The following SGCZ variants were observed in gnomAD, a reference collection of about 807,000 sequenced individuals.
SGCZ encodes the protein zeta-sarcoglycan.
SGCZ carries 40 observed loss-of-function variants against 41.3 expected under a neutral mutation model. That is an observed-to-expected ratio of 0.97 (90% CI 0.75 to 1.26). The LOEUF (loss-of-function observed/expected upper bound fraction) is 1.26, where lower values mean the gene tolerates loss of function less well. Ranked by LOEUF, SGCZ falls within the 50% of genes most tolerant of loss-of-function variation. SGCZ has a pLI of 0.00. For missense variants in SGCZ, 552 were observed against 369.8 expected, an observed-to-expected ratio of 1.49 and a Z score of -4.04; for synonymous variants, 206 against 137.5, an observed-to-expected ratio of 1.50 and a Z score of -3.49.
rs28644491 is a variant in SGCZ at position 14,407,696 on chromosome 8, C to G, written c.235-83492G>C. Among the ~76,000 whole-genome samples the G allele has an allele frequency of 7.3e-3, 1,107 of 152,172 alleles. 16 individuals carry two copies. Among genetic ancestry groups the G allele is most frequent in the African/African-American group, 0.025 (1,038 of 41,508 alleles). ...CTTGTTAAGAACTGAGAAAGGCTGT[C>G]AATATGAATGAGAAGATTCCCATTT... is the stretch of plus-strand genomic sequence containing the variant. On this transcript the variant is annotated intron_variant, in intron 2 of 7. Transcript: ENST00000382080.
intron 2 of SGCZ, among the ~76,000 whole-genome samples, chr8:14,526,312 T>C (rs1471127681): frequency 6.6e-6 from 1 of 152,142 alleles, no homozygotes; most frequent in African/African-American, 2.4e-5. Flanking sequence ...TGTCAGTATA[T>C]GGCAAAATTT....
chr8:14,258,031 T>C (rs1367404090), intron 3 of SGCZ, among the ~76,000 whole-genome samples: 5 of 152,190 alleles, frequency 3.3e-5, no homozygotes, highest in Non-Finnish European at 7.3e-5. Flanking sequence ...ATAAGAACCT[T>C]GCGTGACATT....
chr8:15,183,686 T>G (rs1165914424), intron 1 of SGCZ, among the ~76,000 whole-genome samples: 1 of 152,222 alleles, frequency 6.6e-6, no homozygotes, highest in Non-Finnish European at 1.5e-5. Flanking sequence ...TCTTGTTTAC[T>G]TGCCATCTAT....
chr8:15,237,633 C>G lies in SGCZ; in HGVS notation c.-10G>C. 6.3e-7 allele frequency: 1 copy of G among 1,581,736 alleles called. No homozygotes were observed. On this transcript the variant is annotated 5_prime_UTR_variant, in exon 1 of 8. Transcript: ENST00000382080. ...TCGTTGATCTGTCCATGGAGCGCAA[C>G]TAAACGAAGTGGAGAGGAACCGGGC...
chr8:15,181,515 G>C (rs759995587), intron 1 of SGCZ, among the ~76,000 whole-genome samples: 2 of 152,098 alleles, frequency 1.3e-5, no homozygotes, highest in Non-Finnish European at 2.9e-5. Context: ...ATACAAATTT[G>C]TTCTGTGTGA....
At chr8:14,339,417 T>G (rs1025869253) in intron 2 of SGCZ, among the ~76,000 whole-genome samples, 1 of 152,206 alleles carries the variant, frequency 6.6e-6, no homozygotes, top group Non-Finnish European at 1.5e-5. Flanking sequence ...AGGACACAAA[T>G]TATGATGTTT....
chr8:15,220,990 A>G (rs553842876), intron 1 of SGCZ, among the ~76,000 whole-genome samples: 7 of 152,236 alleles, frequency 4.6e-5, no homozygotes, highest in African/African-American at 1.7e-4. Context: ...AGGATGGGGA[A>G]CATCACACAC....
At chr8:14,541,030 A>G (rs1032715942) in intron 2 of SGCZ, among the ~76,000 whole-genome samples, 4 of 151,062 alleles carry the variant, frequency 2.6e-5, no homozygotes, top group Non-Finnish European at 5.9e-5. Context: ...ATATATGTAT[A>G]TATGTATATA....
chr8:14,198,823 C>A (rs183320027), intron 4 of SGCZ, among the ~76,000 whole-genome samples: 7 of 152,280 alleles, frequency 4.6e-5, no homozygotes, highest in African/African-American at 1.7e-4. Context: ...ACTGCAATCT[C>A]TGAACATACA....
chr8:14,630,095 C>T (rs1426004438), intron 1 of SGCZ, among the ~76,000 whole-genome samples: 2 of 152,184 alleles, frequency 1.3e-5, no homozygotes, highest in South Asian at 2.1e-4. Flanking sequence ...TTTCCTTAAG[C>T]ATTGTTAGTT....
chr8:14,865,910 C>T (rs1308815320), intron 1 of SGCZ, among the ~76,000 whole-genome samples: 8 of 152,046 alleles, frequency 5.3e-5, no homozygotes, highest in African/African-American at 1.9e-4. Flanking sequence ...TATCACCAAA[C>T]GACACCTTGG....
At chr8:14,942,585 C>G (rs867681139) in intron 1 of SGCZ, among the ~76,000 whole-genome samples, 1 of 152,094 alleles carries the variant, frequency 6.6e-6, no homozygotes, top group African/African-American at 2.4e-5. Flanking sequence ...GAAGACTGTT[C>G]ATTGGAAAAA....
intron 4 of SGCZ, among the ~76,000 whole-genome samples, chr8:14,228,535 T>C (rs1806452740): frequency 6.6e-6 from 1 of 152,048 alleles, no homozygotes; most frequent in Non-Finnish European, 1.5e-5. Flanking sequence ...TAATAAAATG[T>C]TTATTCATCT....
chr8:14,375,544 T>C (rs960883794), intron 2 of SGCZ, among the ~76,000 whole-genome samples: 2 of 152,162 alleles, frequency 1.3e-5, no homozygotes, highest in African/African-American at 2.4e-5. Flanking sequence ...CTGATTGCAA[T>C]GTAATAATAT....
chr8:14,739,085 C>T (rs773259690), intron 1 of SGCZ, among the ~76,000 whole-genome samples: 2 of 151,872 alleles, frequency 1.3e-5, no homozygotes, highest in Non-Finnish European at 2.9e-5. Context: ...ACATTTAATA[C>T]CTATATGTTG....
chr8:14,588,643 C>T (rs991726227), intron 1 of SGCZ, among the ~76,000 whole-genome samples: 1 of 151,644 alleles, frequency 6.6e-6, no homozygotes, highest in Non-Finnish European at 1.5e-5. Context: ...GGCAAAAAAG[C>T]AAGAAATAAA....
chr8:14,671,674 T>A (rs1808106874), intron 1 of SGCZ, among the ~76,000 whole-genome samples: 1 of 152,136 alleles, frequency 6.6e-6, no homozygotes. Flanking sequence ...ATTCTTAACA[T>A]TCAAACCATG....
intron 1 of SGCZ, among the ~76,000 whole-genome samples, chr8:14,989,244 T>C (rs1221246355): frequency 1.3e-5 from 2 of 152,134 alleles, no homozygotes; most frequent in East Asian, 1.9e-4. Context: ...ATGTCAGTAG[T>C]AATGGAGAAA....
intron 1 of SGCZ, among the ~76,000 whole-genome samples, chr8:15,183,279 C>T (rs1045317054): frequency 2.6e-5 from 4 of 152,196 alleles, no homozygotes; most frequent in Non-Finnish European, 5.9e-5. Flanking sequence ...ATTTTCTATG[C>T]TAGGCTGTCA....
Sources: gnomAD v4.1 joint callset for allele counts (sites outside exome capture counted in the v4.1 genomes callset) on GRCh38, gnomAD v4.1.1 for gene constraint, MANE v1.5 for transcripts, NCBI Gene and HGNC (gene_info 2026-07-23, HGNC 2026-07-21) for gene names.